KLHL22: variants seen among roughly 807,000 people sequenced by gnomAD.
The protein encoded by KLHL22 is kelch like family member 22.
A neutral mutation model predicts 60.7 loss-of-function variants in KLHL22; 18 were observed. The observed-to-expected ratio is 0.30, with a 90% CI of 0.20 to 0.44. The LOEUF (loss-of-function observed/expected upper bound fraction) is 0.44. Ranked by LOEUF, KLHL22 falls within the 20% of genes least tolerant of loss-of-function variation. The pLI, the probability that KLHL22 is intolerant of heterozygous loss-of-function variation, is 1.00. For missense variants in KLHL22, 596 were observed against 852.3 expected, an observed-to-expected ratio of 0.70 and a Z score of 3.74; for synonymous variants, 355 against 354.5, an observed-to-expected ratio of 1.00 and a Z score of -0.01.
intron 2 of KLHL22, chr22:20,481,222 A>T (rs2053495982): frequency 6.6e-6 from 1 of 152,224 alleles, no homozygotes; most frequent in South Asian, 2.1e-4. Flanking sequence ...GATCAAACTC[A>T]TTCGTCTCTG....
chr22:20,485,855 G>A (rs2053576499), intron 2 of KLHL22, among the ~76,000 whole-genome samples: 1 of 151,374 alleles, frequency 6.6e-6, no homozygotes, highest in Admixed American at 6.6e-5. Context: ...GGGACAGGGC[G>A]AGACTCCATC....
chr22:20,489,745 T>A (rs1367804438), intron 1 of KLHL22: 1 of 471,162 alleles, frequency 2.1e-6, no homozygotes. Context: ...CTCATAGTAA[T>A]GGATGCATAA....
chr22:20,461,106 G>C (rs527729591), intron 4 of KLHL22, among the ~76,000 whole-genome samples: 1 of 152,328 alleles, frequency 6.6e-6, no homozygotes, highest in Non-Finnish European at 1.5e-5. Context: ...GAGAAATAGA[G>C]GTATGTTGTT....
intron 6 of KLHL22, among the ~76,000 whole-genome samples, chr22:20,443,726 ACT>A (rs751206507): frequency 7.0e-5 from 10 of 142,334 alleles, no homozygotes; most frequent in Admixed American, 1.4e-4. Flanking sequence ...ACAGAGCGAG[ACT>A]CTGTCTCAAA....
intron 3 of KLHL22, among the ~76,000 whole-genome samples, chr22:20,470,803 G>A (rs907931553): frequency 6.6e-6 from 1 of 150,650 alleles, no homozygotes; most frequent in Non-Finnish European, 1.5e-5. Context: ...TGGATGGATG[G>A]ATGGATGGAT....
chr22:20,471,413 G>A lies in KLHL22; in HGVS notation c.330C>T (p.Thr110=), dbSNP rs772629366. The change falls in exon 3 of 7, where the codon ACC becomes ACT. Residue 110 remains threonine (T), a synonymous_variant. Transcript: ENST00000328879. ...AMCQILHFIY[T]SELELSLSNV... is the part of the protein sequence containing the mutation. Reference sequence around the variant, plus strand: ...TGCTCAGGCTGAGCTCCAGCTCGGAGGTGTATATGAAATGTAGGATTTGGC... The same window carrying A: ...TGCTCAGGCTGAGCTCCAGCTCGGAAGTGTATATGAAATGTAGGATTTGGC... 8.1e-6 allele frequency: 13 copies of A among 1,614,020 alleles called. No individual in the cohort carries two copies. Among genetic ancestry groups the A allele is most frequent in the South Asian group, 6.6e-5 (6 of 91,086 alleles).
At chr22:20,489,943 C>G (rs2053655937) in intron 1 of KLHL22, 5 of 376,156 alleles carry the variant, frequency 1.3e-5, no homozygotes, top group South Asian at 1.0e-4. Flanking sequence ...AGATTATCTT[C>G]TAATAATTGA....
In KLHL22 at chr22:20,451,434, C is replaced by T. The variant is rs188277501; in HGVS notation, c.1306-4758G>A. The T allele has an allele frequency of 1.2e-3, 1,928 of 1,606,572 alleles. 26 individuals are homozygous for T. The highest frequency in any genetic ancestry group is 1.1e-4 in the Non-Finnish European group (132 of 1,173,418). On this transcript the variant is annotated intron_variant, in intron 5 of 6. Transcript: ENST00000328879. Reference sequence around the variant, plus strand: ...TAGGAGGATATGACGGCTTGAATATCTTAAATTCAGTTGAGAAATATGACC... The same window carrying T: ...TAGGAGGATATGACGGCTTGAATATTTTAAATTCAGTTGAGAAATATGACC...
rs372818511 is a variant in KLHL22 at position 20,449,648 on chromosome 22, C to T, written c.1306-2972G>A. ...GTCTCGAACTCCTGACCTCGTGATCCGCTCACTTCAGCCTTTCAAAGTGCT... is the reference window on the plus strand; with the variant it reads ...GTCTCGAACTCCTGACCTCGTGATCTGCTCACTTCAGCCTTTCAAAGTGCT... On this transcript the variant is annotated intron_variant, in intron 5 of 6. Coordinates refer to ENST00000328879, the MANE Select transcript of KLHL22 (RefSeq NM_032775.4). Among the ~76,000 whole-genome samples, 299 of 152,230 alleles carry T rather than the reference C, an allele frequency of 2.0e-3. 1 individual carries two copies. Among genetic ancestry groups the T allele is most frequent in the African/African-American group, 7.0e-3 (292 of 41,548 alleles).
At chr22:20,460,635 A>C (rs1225179464) in intron 4 of KLHL22, among the ~76,000 whole-genome samples, 190 of 148,802 alleles carry the variant, frequency 1.3e-3, no homozygotes, top group African/African-American at 4.5e-3. Flanking sequence ...AAAAAAAAAA[A>C]AAAAAAAAAA....
chr22:20,471,648 GCT>G (rs1023709338), intron 2 of KLHL22, 133 bp from the exon 3 acceptor site: 22 of 864,842 alleles, frequency 2.5e-5, no homozygotes, highest in Admixed American at 2.3e-4. Context: ...CCCACTCTGT[GCT>G]CTGAGTGAAC....
At chr22:20,450,919 A>T in intron 5 of KLHL22, 1 of 1,612,648 alleles carries the variant, frequency 6.2e-7, no homozygotes. Context: ...TCAGAGTCAG[A>T]TGCAGGGACC....
chr22:20,466,459 T>A (rs2053238284), intron 3 of KLHL22, among the ~76,000 whole-genome samples: 1 of 148,910 alleles, frequency 6.7e-6, no homozygotes, highest in African/African-American at 2.5e-5. Context: ...CATATATCTG[T>A]GGTTTGGAAA....
chr22:20,465,073 G>A lies in KLHL22; in HGVS notation c.897C>T (p.Cys299=), dbSNP rs749959579. The A allele has an allele frequency of 1.1e-5, 17 of 1,612,878 alleles. No homozygotes were observed. The highest frequency in any genetic ancestry group is 6.7e-5 in the African/African-American group (5 of 74,906). ...PQTELRSDFQ[C]VVGFGGIHST... ...AGTGAATGCCCCCGAAGCCCACAAC[G>A]CACTGGAAGTCCGACCGCAGCTCCG... The change falls in exon 4 of 7, where the codon TGC becomes TGT. Residue 299 remains cysteine, a synonymous_variant. Transcript: ENST00000328879. The surrounding 1 kb of genome is among the most constrained non-coding windows in gnomAD (Gnocchi z 4.9).
chr22:20,484,241 C>T, intron 2 of KLHL22: 1 of 400,638 alleles, frequency 2.5e-6, no homozygotes, highest in Admixed American at 3.3e-5. Flanking sequence ...GATCCACCCG[C>T]CTCAGCCTCC....
intron 4 of KLHL22, 129 bp from the exon 5 acceptor site, chr22:20,458,129 C>T: frequency 1.1e-6 from 1 of 913,190 alleles, no homozygotes. Context: ...AACTACCCCA[C>T]ATACCAGTGC....
At chr22:20,444,734 G>A (rs902600999) in intron 6 of KLHL22, among the ~76,000 whole-genome samples, 4 of 152,198 alleles carry the variant, frequency 2.6e-5, no homozygotes, top group African/African-American at 9.6e-5. Flanking sequence ...AAATGCCCAG[G>A]ACAAAAGTCA....
chr22:20,471,996 C>T (rs912850689), intron 2 of KLHL22, among the ~76,000 whole-genome samples: 13 of 152,212 alleles, frequency 8.5e-5, no homozygotes, highest in Admixed American at 6.5e-4. Context: ...CCTGTAATCC[C>T]AGCACTTTGG....
In KLHL22 at chr22:20,465,255, T is replaced by C. The variant is rs762809672; in HGVS notation, c.715A>G (p.Lys239Glu). The change falls in exon 4 of 7, where the codon AAG (lysine) becomes GAG (glutamate). Residue 239 changes from lysine to glutamate, a missense_variant. Transcript: ENST00000328879. This position sits in a 1 kb window ranked among gnomAD's most constrained non-coding sequence, Gnocchi z 4.9. The part of the protein sequence containing the change: ...ADQISLHEPP[K>E]LLETVRFPLM... Reference sequence around the variant, plus strand: ...GGAAACCGCACTGTCTCAAGGAGCTTTGGGGGCTCGTGCAGCGAGATCTGG... The same window carrying C: ...GGAAACCGCACTGTCTCAAGGAGCTCTGGGGGCTCGTGCAGCGAGATCTGG... 4 of 1,613,948 alleles carry C rather than the reference T, an allele frequency of 2.5e-6. No homozygotes were observed. Among genetic ancestry groups the C allele is most frequent in the Middle Eastern group, 1.6e-4 (1 of 6,062 alleles).
Sources: allele counts gnomAD v4.1 joint callset (sites outside exome capture counted in the v4.1 genomes callset), GRCh38; gene constraint gnomAD v4.1.1; non-coding constraint Gnocchi (gnomAD v3.1); transcripts MANE v1.5; gene names NCBI Gene and HGNC (gene_info 2026-07-23, HGNC 2026-07-21).